DKK2: variants seen among roughly 807,000 people sequenced by gnomAD.
DKK2 encodes the protein dickkopf-related protein 2.
In DKK2, 11 loss-of-function variants were observed where a neutral mutation model predicts 28.1. That is an observed-to-expected ratio of 0.39 (90% CI 0.25 to 0.65). DKK2 has a LOEUF of 0.65. Among genes scored for constraint, DKK2 ranks in the 30% least tolerant of loss-of-function variants. The pLI is 0.47. For synonymous variants in DKK2, 135 were observed against 126.5 expected (o/e 1.07, Z -0.45); for missense variants, 326 against 335.5 (o/e 0.97, Z 0.22).
At chr4:107,002,454 T>C (rs753029187) in intron 1 of DKK2, among the ~76,000 whole-genome samples, 13 of 152,184 alleles carry the variant, frequency 8.5e-5, no homozygotes, top group Non-Finnish European at 1.5e-4. Flanking sequence ...CTTTACAGTG[T>C]TTGTCATTTG....
chr4:107,030,173 C>G (rs1323857421), intron 1 of DKK2, among the ~76,000 whole-genome samples: 1 of 151,984 alleles, frequency 6.6e-6, no homozygotes, highest in African/African-American at 2.4e-5. Flanking sequence ...TTTGCCATTA[C>G]AAAGAAAAGA....
At chr4:106,933,667 G>A (rs372582028) in intron 1 of DKK2, among the ~76,000 whole-genome samples, 1 of 152,030 alleles carries the variant, frequency 6.6e-6, no homozygotes, top group African/African-American at 2.4e-5. Flanking sequence ...CCCATATCAA[G>A]TATGATAAAT....
At chr4:106,937,321 T>C (rs1489785527) in intron 1 of DKK2, among the ~76,000 whole-genome samples, 5 of 134,530 alleles carry the variant, frequency 3.7e-5, no homozygotes, top group Non-Finnish European at 8.0e-5. Flanking sequence ...GCAATCCTAG[T>C]CTCTGATAAA....
intron 1 of DKK2, among the ~76,000 whole-genome samples, chr4:106,994,907 T>TG (rs1723250399): frequency 6.6e-6 from 1 of 152,146 alleles, no homozygotes; most frequent in African/African-American, 2.4e-5. Context: ...TCTAGGGAGA[T>TG]GGGGGTACTC....
At position 106,976,794 on chromosome 4, in the gene DKK2, G is replaced by A. The variant is rs147496347; in HGVS notation, c.223-50845C>T. 2.6e-4 allele frequency among the ~76,000 whole-genome samples: 39 copies of A among 152,254 alleles called. No individual in the cohort carries two copies. The East Asian group carries it at 6.8e-3, about 26-fold the overall frequency. On this transcript the variant is annotated intron_variant, in intron 1 of 3. Transcript: ENST00000285311. ...GATTCTGTCATGATGACGCTAACTG[G>A]TTATTTTGCCCATTAGTTGATGCAG... is the stretch of plus-strand genomic sequence containing the variant.
At position 107,035,604 on chromosome 4, in the gene DKK2, G is replaced by C. The variant is rs1723952592; in HGVS notation, c.-13C>G. Reference sequence around the variant, plus strand: ...TCAACGCGGCCATCTCCCGGCGAGGGGGTCCCCAGGAAGACGCAAAGCCCG... The same window carrying C: ...TCAACGCGGCCATCTCCCGGCGAGGCGGTCCCCAGGAAGACGCAAAGCCCG... On this transcript the variant is annotated 5_prime_UTR_variant, in exon 1 of 4. Transcript: ENST00000285311. 6.2e-7 allele frequency: 1 copy of C among 1,613,024 alleles called. No homozygotes were observed. Among genetic ancestry groups the C allele is most frequent in the Non-Finnish European group, 8.5e-7 (1 of 1,179,854 alleles).
chr4:107,017,107 C>T (rs900876016), intron 1 of DKK2, among the ~76,000 whole-genome samples: 1 of 151,882 alleles, frequency 6.6e-6, no homozygotes, highest in Non-Finnish European at 1.5e-5. Flanking sequence ...TCTGAGTAAA[C>T]CTATGTTGTT....
chr4:106,999,878 A>G (rs1226209447), intron 1 of DKK2, among the ~76,000 whole-genome samples: 1 of 152,196 alleles, frequency 6.6e-6, no homozygotes, highest in Admixed American at 6.5e-5. Context: ...CAAGGTTTCA[A>G]TTCTTCAAAT....
chr4:106,933,151 C>T (rs953745266), intron 1 of DKK2, among the ~76,000 whole-genome samples: 9 of 152,282 alleles, frequency 5.9e-5, no homozygotes, highest in Admixed American at 5.9e-4. Context: ...TTAACAAATA[C>T]TGTCCTGGTG....
At chr4:106,924,509 A>G (rs370396790) in intron 3 of DKK2, 36 bp downstream of exon 3, 3 of 1,584,142 alleles carry the variant, frequency 1.9e-6, no homozygotes, top group African/African-American at 1.4e-5. Flanking sequence ...CTATTTCTTT[A>G]TTTTAAAAAA....
intron 1 of DKK2, among the ~76,000 whole-genome samples, chr4:106,935,142 T>C (rs1160644273): frequency 1.3e-5 from 2 of 152,170 alleles, no homozygotes; most frequent in African/African-American, 4.8e-5. Flanking sequence ...ACAGCTCCGG[T>C]CTACAGCTCC....
intron 1 of DKK2, among the ~76,000 whole-genome samples, chr4:106,943,295 T>A (rs191948838): frequency 2.6e-4 from 39 of 152,234 alleles, no homozygotes; most frequent in Non-Finnish European, 4.7e-4. Flanking sequence ...AAGGAAATCA[T>A]CTTTCATTTC....
At chr4:106,981,903 T>C (rs1245569245) in intron 1 of DKK2, among the ~76,000 whole-genome samples, 5 of 152,166 alleles carry the variant, frequency 3.3e-5, no homozygotes, top group African/African-American at 1.2e-4. Context: ...TTTTTAGAAA[T>C]CAGAAAATAT....
rs71590173 is a variant in DKK2, at chr4:106,978,797, G to GAAA, written c.223-52851_223-52849dup. ...GGTGCCACTGGGGTATGATAAAAAAGAAAAAGAAAACAAACAAACTCCTGC... is the reference window on the plus strand; with the variant it reads ...GGTGCCACTGGGGTATGATAAAAAAGAAAAAAAAGAAAACAAACAAACTCCTGC... On this transcript the variant is annotated intron_variant, in intron 1 of 3. Transcript: ENST00000285311. Among the ~76,000 whole-genome samples, 443 of 150,266 alleles carry GAAA rather than the reference G, an allele frequency of 2.9e-3. 4 individuals carry two copies. Among genetic ancestry groups the GAAA allele is most frequent in the African/African-American group, 0.01 (426 of 41,104 alleles).
chr4:106,938,995 AG>A (rs1724646451), intron 1 of DKK2, among the ~76,000 whole-genome samples: 1 of 151,978 alleles, frequency 6.6e-6, no homozygotes, highest in Non-Finnish European at 1.5e-5. Flanking sequence ...ACAAACCCAC[AG>A]CCAATATCAT....
At chr4:106,983,242 C>A in intron 1 of DKK2, among the ~76,000 whole-genome samples, 1 of 148,352 alleles carries the variant, frequency 6.7e-6, no homozygotes, top group Non-Finnish European at 1.5e-5. Context: ...TAACACCACT[C>A]TAATAACATA....
chr4:106,949,856 C>A (rs1724832919), intron 1 of DKK2, among the ~76,000 whole-genome samples: 1 of 152,012 alleles, frequency 6.6e-6, no homozygotes, highest in Non-Finnish European at 1.5e-5. Context: ...AGGACCAAAC[C>A]AAACACCTAG....
intron 1 of DKK2, among the ~76,000 whole-genome samples, chr4:107,006,365 A>T (rs1214059015): frequency 6.6e-6 from 1 of 152,112 alleles, no homozygotes; most frequent in African/African-American, 2.4e-5. Context: ...AAAGCAGTTC[A>T]TTTTTCTATA....
At chr4:106,985,538 G>T (rs767169246) in intron 1 of DKK2, among the ~76,000 whole-genome samples, 1 of 152,126 alleles carries the variant, frequency 6.6e-6, no homozygotes, top group Admixed American at 6.5e-5. Flanking sequence ...GCCAGGCATG[G>T]TGGCTCAGGC....
Sources: gnomAD v4.1 joint callset for allele counts (sites outside exome capture counted in the v4.1 genomes callset) on GRCh38, gnomAD v4.1.1 for gene constraint, MANE v1.5 for transcripts, NCBI Gene and HGNC (gene_info 2026-07-23, HGNC 2026-07-21) for gene names.